FABP2: variants seen among roughly 807,000 people sequenced by gnomAD.
The protein encoded by FABP2 is fatty acid binding protein 2, also known as fatty acid-binding protein, intestinal.
In FABP2, 11 loss-of-function variants were observed where a neutral mutation model predicts 16.1. That is an observed-to-expected ratio of 0.68 (90% confidence interval 0.43 to 1.13). The LOEUF (loss-of-function observed/expected upper bound fraction) is 1.13, where lower values mean the gene tolerates loss of function less well. Ranked by LOEUF, FABP2 falls within the 50% of genes most tolerant of loss-of-function variation. The pLI is 0.00. For synonymous variants in FABP2, 45 were observed against 50.9 expected (o/e 0.88, Z 0.49); for missense variants, 146 against 155.1 (o/e 0.94, Z 0.31).
chr4:119,319,775 A>G, intron 2 of FABP2, 132 bp from the exon 3 acceptor site: 1 of 350,912 alleles, frequency 2.8e-6, no homozygotes, highest in Non-Finnish European at 4.8e-6. Context: ...TGAAACTGAT[A>G]CTATTATCTC....
chr4:119,321,166 G>A (rs1755662748), intron 1 of FABP2, among the ~76,000 whole-genome samples: 1 of 151,918 alleles, frequency 6.6e-6, no homozygotes, highest in Non-Finnish European at 1.5e-5. Context: ...TCAAATGAAG[G>A]ATTAAAATGT....
Position 119,318,408 on chromosome 4 carries a change from A to C in FABP2, c.*633T>G, listed in dbSNP as rs1755613392. On this transcript the variant is annotated 3_prime_UTR_variant, in exon 4 of 4. Transcript: ENST00000274024. ...CCAGTTCAAGATGTTAAAGACTCATATGCAGCCTATGCTTTTAGTTTATCA... is the reference window on the plus strand; with the variant it reads ...CCAGTTCAAGATGTTAAAGACTCATCTGCAGCCTATGCTTTTAGTTTATCA... 1 of 152,064 alleles carries C rather than the reference A, an allele frequency of 6.6e-6. No homozygotes were observed. The highest frequency in any genetic ancestry group is 6.6e-5 in the Admixed American group (1 of 15,240). 9.4% of individuals were successfully genotyped at this position (152,064 alleles called of 1,614,324 possible). A position where few individuals can be genotyped will look rare whatever the true frequency, so the allele number is the denominator to read the frequency against.
In FABP2 at chr4:119,318,954, A is replaced by G; in HGVS notation, c.*87T>C. Reference sequence around the variant, plus strand: ...AAAGGACCAATCAATCAGTAACCTTATACTTGATGGGGTGAAATAAATAGT... The same window carrying G: ...AAAGGACCAATCAATCAGTAACCTTGTACTTGATGGGGTGAAATAAATAGT... On this transcript the variant is annotated 3_prime_UTR_variant, in exon 4 of 4. Coordinates refer to ENST00000274024, the MANE Select transcript of FABP2 (RefSeq NM_000134.4). 2.9e-6 allele frequency: 3 copies of G among 1,047,470 alleles called. No individual in the cohort carries two copies. Among genetic ancestry groups the G allele is most frequent in the Non-Finnish European group, 4.3e-6 (3 of 702,194 alleles). The allele number at this position is 1,047,470 out of a possible 1,614,324, so 64.9% of individuals were successfully genotyped here.
intron 2 of FABP2, 36 bp from the exon 3 acceptor site, chr4:119,319,679 T>TAATAATAAG: frequency 9.3e-6 from 9 of 968,374 alleles, no homozygotes; most frequent in South Asian, 2.6e-5. Context: ...ATAATAATAA[T>TAATAATAAG]GGCATTTATT....
At chr4:119,320,961 T>C in intron 1 of FABP2, 119 bp from the exon 2 acceptor site, 1 of 734,672 alleles carries the variant, frequency 1.4e-6, no homozygotes, top group Non-Finnish European at 2.1e-6. Context: ...TAGCATTGCC[T>C]TTGCACAAGA....
At position 119,318,110 on chromosome 4, in the gene FABP2, A is replaced by C. The variant is rs545272525; in HGVS notation, c.*931T>G. 4 of 152,240 alleles carry C rather than the reference A, an allele frequency of 2.6e-5. No individual in the cohort carries two copies. The highest frequency in any genetic ancestry group is 5.9e-5 in the Non-Finnish European group (4 of 67,998). 9.4% of individuals were successfully genotyped at this position (152,240 alleles called of 1,614,324 possible). ...AAGCGTGGGAATGACTGATGTGTACAAAAATGTAATACAATAATTTAATTT... is the reference window on the plus strand; with the variant it reads ...AAGCGTGGGAATGACTGATGTGTACCAAAATGTAATACAATAATTTAATTT... On this transcript the variant is annotated 3_prime_UTR_variant, in exon 4 of 4. Coordinates refer to ENST00000274024, the MANE Select transcript of FABP2 (RefSeq NM_000134.4).
Position 119,318,976 on chromosome 4 carries a change from T to C in FABP2, c.*65A>G, listed in dbSNP as rs2964. The C allele has an allele frequency of 0.32, 399,068 of 1,262,452 alleles. 65,042 individuals are homozygous for C. Among genetic ancestry groups the C allele is most frequent in the African/African-American group, 0.38 (24,574 of 64,798 alleles). 78.2% of individuals were successfully genotyped at this position (1,262,452 alleles called of 1,614,324 possible). A position where few individuals can be genotyped will look rare whatever the true frequency, so the allele number is the denominator to read the frequency against. On this transcript the variant is annotated 3_prime_UTR_variant, in exon 4 of 4. Coordinates refer to ENST00000274024, the MANE Select transcript of FABP2 (RefSeq NM_000134.4). The stretch of plus-strand genomic sequence containing the variant: ...CTTATACTTGATGGGGTGAAATAAA[T>C]AGTTCTGGTACAATATAGATCTTCT...
intron 2 of FABP2, among the ~76,000 whole-genome samples, chr4:119,319,975 G>A (rs1218242678): frequency 1.3e-5 from 2 of 151,800 alleles, no homozygotes; most frequent in African/African-American, 2.4e-5. Context: ...TTCATGTTAC[G>A]TGTCCAGAAA....
intron 3 of FABP2, 65 bp downstream of exon 3, chr4:119,319,471 G>A: frequency 1.1e-6 from 1 of 931,076 alleles, no homozygotes; most frequent in Middle Eastern, 3.0e-4. Context: ...GCTCAGCAGT[G>A]ACAAAAATTA....
chr4:119,319,881 G>A (rs1022007372), intron 2 of FABP2, among the ~76,000 whole-genome samples: 5 of 152,092 alleles, frequency 3.3e-5, no homozygotes, highest in Non-Finnish European at 7.4e-5. Flanking sequence ...CAGAGTATGT[G>A]TTGATAACCA....
intron 2 of FABP2, 61 bp from the exon 3 acceptor site, chr4:119,319,704 G>A: frequency 1.4e-6 from 1 of 728,276 alleles, no homozygotes; most frequent in Non-Finnish European, 1.9e-6. Flanking sequence ...TCTTACACAT[G>A]TCAGGCACTG....
At position 119,317,689 on chromosome 4, in the gene FABP2, C is replaced by CTA. The variant is rs778466434; in HGVS notation, c.*1350_*1351dup. On this transcript the variant is annotated 3_prime_UTR_variant, in exon 4 of 4. Coordinates refer to ENST00000274024, the MANE Select transcript of FABP2 (RefSeq NM_000134.4). Reference sequence around the variant, plus strand: ...GTGTGAAAAAGAATTTGTCAAAAGTCTATAGAGTTGCAGCTGCAAATGCTT... The same window carrying CTA: ...GTGTGAAAAAGAATTTGTCAAAAGTCTATATAGAGTTGCAGCTGCAAATGCTT... 6.6e-6 allele frequency: 1 copy of CTA among 152,050 alleles called. No homozygotes were observed. The highest frequency in any genetic ancestry group is 1.5e-5 in the Non-Finnish European group (1 of 67,998). The allele number at this position is 152,050 out of a possible 1,614,324, so 9.4% of individuals were successfully genotyped here.
rs937290779 is a variant in FABP2 at position 119,318,966 on chromosome 4, G to C, written c.*75C>G. ...AATCAGTAACCTTATACTTGATGGG[G>C]TGAAATAAATAGTTCTGGTACAATA... On this transcript the variant is annotated 3_prime_UTR_variant, in exon 4 of 4. Transcript: ENST00000274024. 2.6e-6 allele frequency: 3 copies of C among 1,164,732 alleles called. No individual in the cohort carries two copies. The East Asian group carries it at 7.8e-5, about 30-fold the overall frequency. The allele number at this position is 1,164,732 out of a possible 1,614,324, so 72.1% of individuals were successfully genotyped here. A position where few individuals can be genotyped will look rare whatever the true frequency, so the allele number is the denominator to read the frequency against.
intron 1 of FABP2, 75 bp downstream of exon 1, chr4:119,321,961 T>C: frequency 8.2e-7 from 1 of 1,226,390 alleles, no homozygotes; most frequent in Non-Finnish European, 1.2e-6. Flanking sequence ...TGTAATCTCC[T>C]AGAGATTTAG....
chr4:119,319,163 A>G (rs1219081086), intron 3 of FABP2, 72 bp from the exon 4 acceptor site: 10 of 861,218 alleles, frequency 1.2e-5, no homozygotes, highest in East Asian at 2.8e-5. Context: ...GTAGTATTAT[A>G]GTTTTATACT....
chr4:119,320,315 TAAA>T (rs1755645597), intron 2 of FABP2, among the ~76,000 whole-genome samples: 1 of 67,016 alleles, frequency 1.5e-5, no homozygotes, highest in African/African-American at 6.4e-5. Flanking sequence ...TTCAACATGT[TAAA>T]TTGCTATTAC....
chr4:119,319,070 C>A lies in FABP2; in HGVS notation c.370G>T (p.Glu124Ter). Reference sequence around the variant, plus strand: ...TCCTTTTTAAAGATCCTTTTGGCTTCTACTCCTTCATATACATAAGTCTGA... The same window carrying A: ...TCCTTTTTAAAGATCCTTTTGGCTTATACTCCTTCATATACATAAGTCTGA... Reference protein sequence around the residue: ...LVQTYVYEGVEAKRIFKKD With the variant: ...LVQTYVYEGV Residue 124 changes from glutamate to a stop codon, truncating the protein, a stop_gained, in exon 4 of 4, where the codon GAA becomes TAA. Transcript: ENST00000274024. LOFTEE classifies it high-confidence loss of function. 1 of 1,602,244 alleles carries A rather than the reference C, an allele frequency of 6.2e-7. No individual in the cohort carries two copies.
In FABP2 at chr4:119,318,919, A is replaced by G; in HGVS notation, c.*122T>C. 1 of 692,100 alleles carries G rather than the reference A, an allele frequency of 1.4e-6. No homozygotes were observed. Among genetic ancestry groups the G allele is most frequent in the Non-Finnish European group, 2.4e-6 (1 of 412,122 alleles). The allele number at this position is 692,100 out of a possible 1,614,324, so 42.9% of individuals were successfully genotyped here. On this transcript the variant is annotated 3_prime_UTR_variant, in exon 4 of 4. Transcript: ENST00000274024. ...GCTTTGGCATGAATGGAAATATACCAATGTTTATAAAAGGACCAATCAATC... is the reference window on the plus strand; with the variant it reads ...GCTTTGGCATGAATGGAAATATACCGATGTTTATAAAAGGACCAATCAATC...
rs574748101 is a variant in FABP2, at chr4:119,320,265, T to C, written c.240+405A>G. Among the ~76,000 whole-genome samples, 182 of 152,248 alleles carry C rather than the reference T, an allele frequency of 1.2e-3. 2 individuals carry two copies. Among genetic ancestry groups the C allele is most frequent in the African/African-American group, 4.2e-3 (176 of 41,582 alleles). On this transcript the variant is annotated intron_variant, in intron 2 of 3. Transcript: ENST00000274024. ...CAATACATCAAATCTTTCCATTTGG[T>C]AACTCACTCATTTGTTCATCTATTC...
Sources: allele counts gnomAD v4.1 joint callset (sites outside exome capture counted in the v4.1 genomes callset), GRCh38; gene constraint gnomAD v4.1.1; transcripts MANE v1.5; gene names NCBI Gene and HGNC (gene_info 2026-07-23, HGNC 2026-07-21).